The following LVRN variants were observed in gnomAD, a reference collection of about 807,000 sequenced individuals.
LVRN encodes the protein laeverin.
In LVRN, 99 loss-of-function variants were observed where a neutral mutation model predicts 111.4. The observed-to-expected ratio is 0.89, with a 90% CI of 0.76 to 1.05. The LOEUF (loss-of-function observed/expected upper bound fraction) is 1.05, where lower values mean the gene tolerates loss of function less well. Ranked by LOEUF, LVRN falls within the 50% of genes least tolerant of loss-of-function variation. The pLI is 0.00. For synonymous variants in LVRN, 488 were observed against 449.5 expected, an observed-to-expected ratio of 1.09 and a Z score of -1.08; for missense variants, 1,414 against 1,206.8, an observed-to-expected ratio of 1.17 and a Z score of -2.54.
intron 1 of LVRN, among the ~76,000 whole-genome samples, 184 bp from the exon 2 acceptor site, chr5:115,983,103 A>C (rs977430197): frequency 6.6e-6 from 1 of 152,186 alleles, no homozygotes; most frequent in Non-Finnish European, 1.5e-5. Context: ...TTTAGGTCTT[A>C]GGAGAATTCT....
At chr5:115,993,900 A>G (rs1430324890) in intron 6 of LVRN, 46 bp downstream of exon 6, 2 of 1,165,134 alleles carry the variant, frequency 1.7e-6, no homozygotes, top group Non-Finnish European at 2.5e-6. Flanking sequence ...TCCTAATTAT[A>G]AAAGTAATGC....
Position 116,022,277 on chromosome 5 carries a change from T to A in LVRN, c.2757-114T>A, listed in dbSNP as rs1399800866. The A allele has an allele frequency of 5.6e-6, 4 of 708,074 alleles. No homozygotes were observed. In the African/African-American group the frequency reaches 7.3e-5, roughly 13 times the overall value. 43.9% of individuals were successfully genotyped at this position (708,074 alleles called of 1,614,324 possible). A position where few individuals can be genotyped will look rare whatever the true frequency, so the allele number is the denominator to read the frequency against. On this transcript the variant is annotated intron_variant, in intron 18 of 19. Coordinates refer to ENST00000357872, the MANE Select transcript of LVRN (RefSeq NM_173800.5). Reference sequence around the variant, plus strand: ...AGTTCATACATGTTTTTACTTAGATTTGTGACATAGGAATTAATAGGGGCC... The same window carrying A: ...AGTTCATACATGTTTTTACTTAGATATGTGACATAGGAATTAATAGGGGCC...
intron 4 of LVRN, among the ~76,000 whole-genome samples, chr5:115,991,018 T>G (rs1185220394): frequency 3.9e-5 from 6 of 152,192 alleles, no homozygotes; most frequent in Non-Finnish European, 7.3e-5. Context: ...ATTGGTGTGG[T>G]ACACTTGTTA....
intron 18 of LVRN, 197 bp from the exon 19 acceptor site, chr5:116,022,194 T>C (rs1748744212): frequency 4.2e-6 from 2 of 475,740 alleles, no homozygotes; most frequent in Non-Finnish European, 7.5e-6. Context: ...GTAACACATA[T>C]AAGTATTTAA....
intron 12 of LVRN, among the ~76,000 whole-genome samples, chr5:116,004,017 C>G (rs1314353103): frequency 6.6e-6 from 1 of 152,140 alleles, no homozygotes; most frequent in African/African-American, 2.4e-5. Context: ...TCCATTTCTT[C>G]ATTTTAAAAC....
In LVRN at chr5:115,984,656, G is replaced by T; in HGVS notation, c.925G>T (p.Ala309Ser). The change falls in exon 3 of 20, where the codon GCA becomes TCA. Residue 309 changes from alanine (A) to serine (S), a missense_variant. Coordinates refer to ENST00000357872, the MANE Select transcript of LVRN (RefSeq NM_173800.5). Reference sequence around the variant, plus strand: ...GCCCCACATGCCAACTTACTTAGTCGCATTTGTTATATGTGACTATGACCA... The same window carrying T: ...GCCCCACATGCCAACTTACTTAGTCTCATTTGTTATATGTGACTATGACCA... ...TTPHMPTYLV[A>S]FVICDYDHVN... 6.2e-7 allele frequency: 1 copy of T among 1,613,578 alleles called. No homozygotes were observed. The highest frequency in any genetic ancestry group is 8.5e-7 in the Non-Finnish European group (1 of 1,179,718).
intron 10 of LVRN, among the ~76,000 whole-genome samples, chr5:116,002,517 T>G (rs1748258366): frequency 6.6e-6 from 1 of 152,218 alleles, no homozygotes; most frequent in Non-Finnish European, 1.5e-5. Context: ...TGAACTACCC[T>G]TGAGTGAAGC....
intron 19 of LVRN, among the ~76,000 whole-genome samples, chr5:116,024,246 T>C (rs186414679): frequency 6.6e-6 from 1 of 152,226 alleles, no homozygotes; most frequent in Admixed American, 6.5e-5. Flanking sequence ...CCCGATAAAA[T>C]TGATTAAAAT....
chr5:115,995,107 G>A (rs936881168), intron 6 of LVRN, among the ~76,000 whole-genome samples: 2 of 152,136 alleles, frequency 1.3e-5, no homozygotes, highest in Non-Finnish European at 2.9e-5. Flanking sequence ...CTACTTGCTG[G>A]ATCTTCTTTA....
chr5:116,006,787 A>G (rs891533071), intron 13 of LVRN, among the ~76,000 whole-genome samples: 1 of 152,196 alleles, frequency 6.6e-6, no homozygotes, highest in Non-Finnish European at 1.5e-5. Context: ...GCGGAAGGAC[A>G]TGTTGATGAC....
At chr5:115,986,253 T>A (rs1395503210) in intron 3 of LVRN, among the ~76,000 whole-genome samples, 2 of 152,216 alleles carry the variant, frequency 1.3e-5, no homozygotes, top group Non-Finnish European at 2.9e-5. Flanking sequence ...GCATGGCTTA[T>A]ATTTTTAAAT....
At chr5:116,003,742 C>G (rs1351137054) in intron 12 of LVRN, among the ~76,000 whole-genome samples, 4 of 152,042 alleles carry the variant, frequency 2.6e-5, no homozygotes, top group Non-Finnish European at 4.4e-5. Flanking sequence ...CCACCACGCC[C>G]GGCTAATTTT....
At chr5:115,982,992 G>A (rs530555028) in intron 1 of LVRN, among the ~76,000 whole-genome samples, 3 of 152,198 alleles carry the variant, frequency 2.0e-5, no homozygotes, top group African/African-American at 7.2e-5. Flanking sequence ...TTGCATATTC[G>A]CTATATTTGT....
chr5:116,000,383 A>C (rs761293655), intron 7 of LVRN, 50 bp from the exon 8 acceptor site: 6 of 1,581,262 alleles, frequency 3.8e-6, no homozygotes, highest in Non-Finnish European at 5.2e-6. Flanking sequence ...ATGTGTCAGT[A>C]TGTGGATATT....
chr5:116,015,675 C>G lies in LVRN; in HGVS notation c.2666C>G (p.Thr889Arg). 6.2e-7 allele frequency: 1 copy of G among 1,613,216 alleles called. No homozygotes were observed. Among genetic ancestry groups the G allele is most frequent in the Non-Finnish European group, 8.5e-7 (1 of 1,179,506 alleles). ...ISTSPFTSNETNIIEVVASSE... is the reference protein window; with the variant it reads ...ISTSPFTSNERNIIEVVASSE... ...ACATCTCCATTCACTTCTAATGAAACAAATATAATTGAGGTTGTGGCTTCA... is the reference window on the plus strand; with the variant it reads ...ACATCTCCATTCACTTCTAATGAAAGAAATATAATTGAGGTTGTGGCTTCA... Residue 889 changes from threonine to arginine, a missense_variant, in exon 18 of 20, where the codon ACA becomes AGA. Thr to Arg is a moderately conservative substitution (Grantham distance 71). Coordinates refer to ENST00000357872, the MANE Select transcript of LVRN (RefSeq NM_173800.5).
intron 13 of LVRN, among the ~76,000 whole-genome samples, chr5:116,006,360 A>G (rs1748374050): frequency 6.6e-6 from 1 of 152,192 alleles, no homozygotes; most frequent in Non-Finnish European, 1.5e-5. Flanking sequence ...TAAGGAATAT[A>G]TGTAATACAT....
chr5:115,975,276 G>T (rs1041708316), intron 1 of LVRN: 2 of 393,410 alleles, frequency 5.1e-6, no homozygotes, highest in African/African-American at 2.1e-5. Context: ...AAACCAAGTA[G>T]GTTACACTTC....
Position 116,010,801 on chromosome 5 carries a change from T to C in LVRN, c.2154T>C (p.Asp718=), listed in dbSNP as rs1269468236. ...LELTKYLAEE[D]EIIVWHTVLV... is the part of the protein sequence containing the mutation. ...TAACCAAGTACCTTGCTGAAGAAGA[T>C]GAAATTATAGTATGGCATACAGTCT... Residue 718 remains aspartate (D), a synonymous_variant, in exon 14 of 20, where the codon GAT becomes GAC. Transcript: ENST00000357872. 4 of 1,611,472 alleles carry C rather than the reference T, an allele frequency of 2.5e-6. No homozygotes were observed. Among genetic ancestry groups the C allele is most frequent in the East Asian group, 2.2e-5 (1 of 44,774 alleles).
intron 15 of LVRN, among the ~76,000 whole-genome samples, chr5:116,014,207 G>A (rs953013228): frequency 6.6e-6 from 1 of 152,182 alleles, no homozygotes; most frequent in Non-Finnish European, 1.5e-5. Flanking sequence ...GGCTTTAGGA[G>A]CTCTTTTTGG....
Sources: allele counts gnomAD v4.1 joint callset (sites outside exome capture counted in the v4.1 genomes callset), GRCh38; gene constraint gnomAD v4.1.1; transcripts MANE v1.5; gene names NCBI Gene and HGNC (gene_info 2026-07-23, HGNC 2026-07-21).